Variants in BRD3 observed in about 807,000 individuals in gnomAD.
The protein encoded by BRD3 is bromodomain-containing protein 3.
BRD3 carries 17 observed loss-of-function variants against 66.8 expected under a neutral mutation model. The ratio of observed to expected loss-of-function variants is 0.25; its 90% CI spans 0.17 to 0.38. BRD3 has a LOEUF of 0.38. BRD3 is among the 10% of genes least tolerant of loss of function. BRD3 has a pLI of 1.00. For missense variants in BRD3, 713 were observed against 956.1 expected (o/e 0.75, Z 3.35); for synonymous variants, 421 against 393.2 (o/e 1.07, Z -0.84).
chr9:134,052,617 C>A (rs978045881), intron 2 of BRD3, among the ~76,000 whole-genome samples, 174 bp from the exon 3 acceptor site: 10 of 152,176 alleles, frequency 6.6e-5, no homozygotes, highest in Non-Finnish European at 1.5e-4. Context: ...TTGGCCAGCT[C>A]CAAACTCCTG....
At chr9:134,039,949 C>G in intron 9 of BRD3, 85 bp downstream of exon 9, 1 of 1,500,566 alleles carries the variant, frequency 6.7e-7, no homozygotes, top group Non-Finnish European at 8.8e-7. Context: ...GGCACAAAGC[C>G]CCCAATCCCA....
At chr9:134,051,763 A>G (rs751432248) in intron 3 of BRD3, 54 bp from the exon 4 acceptor site, 14 of 1,552,526 alleles carry the variant, frequency 9.0e-6, no homozygotes, top group Non-Finnish European at 1.2e-5. Flanking sequence ...GTGTGCTTGC[A>G]AAGGACATTA....
chr9:134,044,363 C>A (rs1830122480), intron 7 of BRD3, among the ~76,000 whole-genome samples: 1 of 152,146 alleles, frequency 6.6e-6, no homozygotes, highest in Non-Finnish European at 1.5e-5. Context: ...TTTTATGGGT[C>A]CTGTGTCATC....
Position 134,040,191 on chromosome 9 carries a change from C to CCTT in BRD3, c.1483_1485dup (p.Lys495dup). On this transcript the variant is annotated inframe_insertion, in exon 9 of 12. Coordinates refer to ENST00000303407, the MANE Select transcript of BRD3 (RefSeq NM_007371.4). ...TTGTCCTTCTTCTTCTTCTCCTTCT[C>CCTT]CTTCTTCTCCTTCTTCTTCTTTGGT... The CCTT allele has an allele frequency of 6.4e-7, 1 of 1,570,466 alleles. No individual in the cohort carries two copies. Among genetic ancestry groups the CCTT allele is most frequent in the Non-Finnish European group, 8.6e-7 (1 of 1,158,006 alleles).
At position 134,030,308 on chromosome 9, in the gene BRD3, T is replaced by TA. The variant is rs1383591890; in HGVS notation, c.*3281_*3282insT. The TA allele has an allele frequency of 4.9e-5, 4 of 81,034 alleles. No individual in the cohort carries two copies. The highest frequency in any genetic ancestry group is 1.5e-4 in the African/African-American group (4 of 27,004). The allele number at this position is 81,034 out of a possible 1,614,324, so 5.0% of individuals were successfully genotyped here. A position where few individuals can be genotyped will look rare whatever the true frequency, so the allele number is the denominator to read the frequency against. On this transcript the variant is annotated 3_prime_UTR_variant, in exon 12 of 12. Coordinates refer to ENST00000303407, the MANE Select transcript of BRD3 (RefSeq NM_007371.4). ...AATGCAAAAAAAAAAAACAGTCTTT[T>TA]TTTTTTTTTTTTTTTTTGCTTTTTA...
At chr9:134,065,572 G>C (rs899075281) in intron 1 of BRD3, among the ~76,000 whole-genome samples, 3 of 152,222 alleles carry the variant, frequency 2.0e-5, no homozygotes, top group Admixed American at 6.5e-5. Flanking sequence ...GAGACCCGCA[G>C]CACGACTTCA....
At chr9:134,051,488 A>T in intron 4 of BRD3, 74 bp downstream of exon 4, 5 of 1,403,748 alleles carry the variant, frequency 3.6e-6, no homozygotes, top group Non-Finnish European at 4.6e-6. Context: ...TGGCTAAAGG[A>T]TCGCGTCCCA....
At chr9:134,062,779 C>T (rs746311342) in intron 1 of BRD3, among the ~76,000 whole-genome samples, 4 of 152,192 alleles carry the variant, frequency 2.6e-5, no homozygotes, top group Non-Finnish European at 4.4e-5. Context: ...GCCACCGCCA[C>T]GTAGTCAGGG....
chr9:134,061,406 G>C (rs867430185), intron 1 of BRD3, among the ~76,000 whole-genome samples: 31 of 152,242 alleles, frequency 2.0e-4, no homozygotes, highest in African/African-American at 7.5e-4. Flanking sequence ...CATGAGTCTG[G>C]AGGAGCAGTG....
At chr9:134,041,210 AG>A (rs1469872716) in intron 8 of BRD3, among the ~76,000 whole-genome samples, 3 of 152,216 alleles carry the variant, frequency 2.0e-5, no homozygotes, top group Admixed American at 6.5e-5. Flanking sequence ...TGGCTGCCAG[AG>A]GTCTGGGGAA....
rs373688845 is a variant in BRD3, at chr9:134,030,719, C to G, written c.*2871G>C. 42 of 231,552 alleles carry G rather than the reference C, an allele frequency of 1.8e-4. No individual in the cohort carries two copies. Among genetic ancestry groups the G allele is most frequent in the African/African-American group, 7.5e-4 (34 of 45,330 alleles). 14.3% of individuals were successfully genotyped at this position (231,552 alleles called of 1,614,324 possible). A position where few individuals can be genotyped will look rare whatever the true frequency, so the allele number is the denominator to read the frequency against. On this transcript the variant is annotated 3_prime_UTR_variant, in exon 12 of 12. Coordinates refer to ENST00000303407, the MANE Select transcript of BRD3 (RefSeq NM_007371.4). ...CGTGAGTGCTGCAAAAGAACAACAA[C>G]AAAAACAAACACACAAAAAAATGTG...
At chr9:134,055,205 C>G (rs544511719) in intron 1 of BRD3, among the ~76,000 whole-genome samples, 96 of 152,342 alleles carry the variant, frequency 6.3e-4, no homozygotes, top group Middle Eastern at 3.4e-3. Context: ...TGCTCTGCCC[C>G]GCAAGGACCG....
In BRD3 at chr9:134,055,206, G is replaced by A. The variant is rs192126569; in HGVS notation, c.-113-1616C>T. Among the ~76,000 whole-genome samples, 654 of 152,298 alleles carry A rather than the reference G, an allele frequency of 4.3e-3. 3 individuals carry two copies. Among genetic ancestry groups the A allele is most frequent in the Non-Finnish European group, 5.7e-3 (385 of 67,996 alleles). On this transcript the variant is annotated intron_variant, in intron 1 of 11. Coordinates refer to ENST00000303407, the MANE Select transcript of BRD3 (RefSeq NM_007371.4). ...CCAGCAGGGCTCCCTGCTCTGCCCC[G>A]CAAGGACCGCCTAGCCCGCACCGCA... is the stretch of plus-strand genomic sequence containing the variant.
chr9:134,056,716 T>G (rs1830434289), intron 1 of BRD3: 1 of 152,264 alleles, frequency 6.6e-6, no homozygotes, highest in African/African-American at 2.4e-5. Context: ...GACAGTCAGG[T>G]GAGAGCCCGG....
At chr9:134,038,606 G>A (rs1328300333) in intron 9 of BRD3, among the ~76,000 whole-genome samples, 1 of 152,076 alleles carries the variant, frequency 6.6e-6, no homozygotes, top group African/African-American at 2.4e-5. Flanking sequence ...CATTTTTGAG[G>A]CCAGCATTAT....
Position 134,053,596 on chromosome 9 carries a change from G to A in BRD3, c.-113-6C>T. 1 of 1,444,650 alleles carries A rather than the reference G, an allele frequency of 6.9e-7. No homozygotes were observed. Among genetic ancestry groups the A allele is most frequent in the African/African-American group, 1.4e-5 (1 of 70,222 alleles). The allele number at this position is 1,444,650 out of a possible 1,614,324, so 89.5% of individuals were successfully genotyped here. A position where few individuals can be genotyped will look rare whatever the true frequency, so the allele number is the denominator to read the frequency against. On this transcript the variant is annotated splice_polypyrimidine_tract_variant and splice_region_variant and intron_variant, in intron 1 of 11. Transcript: ENST00000303407. ...CGGGCCCAACCAGGCGACAGCTGCA[G>A]AGGAGGAAGCACAACAGAGAGGAAG...
intron 1 of BRD3, among the ~76,000 whole-genome samples, chr9:134,055,237 A>T (rs1235212376): frequency 6.6e-6 from 1 of 152,212 alleles, no homozygotes; most frequent in East Asian, 1.9e-4. Context: ...CCGCAGGGTG[A>T]TCCTGTTAAA....
intron 1 of BRD3, among the ~76,000 whole-genome samples, chr9:134,065,793 G>A (rs1256380163): frequency 6.6e-6 from 1 of 152,240 alleles, no homozygotes; most frequent in Non-Finnish European, 1.5e-5. Context: ...GTGGCACCAG[G>A]AATCGCACAA....
At chr9:134,055,189 G>A (rs1047589690) in intron 1 of BRD3, among the ~76,000 whole-genome samples, 3 of 152,174 alleles carry the variant, frequency 2.0e-5, no homozygotes, top group Non-Finnish European at 4.4e-5. Context: ...TCCCAGCAGG[G>A]CTCCCTGCTC....
Sources: gnomAD v4.1 joint callset for allele counts (sites outside exome capture counted in the v4.1 genomes callset) on GRCh38, gnomAD v4.1.1 for gene constraint, MANE v1.5 for transcripts, NCBI Gene and HGNC (gene_info 2026-07-23, HGNC 2026-07-21) for gene names.